Variants in IMPDH1 observed in about 807,000 individuals in gnomAD.
IMPDH1 encodes the protein inosine-5'-monophosphate dehydrogenase 1.
Under a neutral mutation model 73.5 loss-of-function variants are expected in IMPDH1, and 41 were observed. That is an observed-to-expected ratio of 0.56 (90% CI 0.43 to 0.72). The LOEUF is 0.72. Among genes scored for constraint, IMPDH1 ranks in the 30% least tolerant of loss-of-function variants. The probability of loss-of-function intolerance (pLI) is 0.00; values close to 1 mark genes in which losing one functional copy is unlikely to be tolerated. For synonymous variants in IMPDH1, 318 were observed against 334.3 expected (o/e 0.95, Z 0.53); for missense variants, 645 against 824.8 (o/e 0.78, Z 2.67).
At chr7:128,400,047 G>C in intron 9 of IMPDH1, 48 bp downstream of exon 9, 7 of 1,382,530 alleles carry the variant, frequency 5.1e-6, no homozygotes, top group Non-Finnish European at 7.2e-6. Flanking sequence ...CGGGACTGTG[G>C]ACAGGGAGTC....
chr7:128,397,158 T>A lies in IMPDH1; in HGVS notation c.1075-136A>T, dbSNP rs866973374. The A allele has an allele frequency of 1.0e-5, 7 of 671,394 alleles. No homozygotes were observed. The Middle Eastern group carries it at 1.7e-3, about 165-fold the overall frequency. The allele number at this position is 671,394 out of a possible 1,614,324, so 41.6% of individuals were successfully genotyped here. On this transcript the variant is annotated intron_variant, in intron 10 of 16. Coordinates refer to ENST00000338791, the MANE Select transcript of IMPDH1 (RefSeq NM_000883.4). The stretch of plus-strand genomic sequence containing the variant: ...TGCTCTTTCCTTCTGGTTGTTTTTT[T>A]TTTTTTTTTTCTGGAAATTCACTTG...
chr7:128,393,639 A>AAC, intron 16 of IMPDH1: 1 of 155,328 alleles, frequency 6.4e-6, no homozygotes. Flanking sequence ...CCCACCCAAT[A>AAC]CCCACCCCCA....
intron 4 of IMPDH1, 80 bp downstream of exon 4, chr7:128,405,681 CCGGGGG>C (rs1259489175): frequency 6.8e-7 from 1 of 1,471,540 alleles, no homozygotes; most frequent in Non-Finnish European, 9.0e-7. Context: ...GCAGGGAACG[CCGGGGG>C]AGCCGCGCAC....
In IMPDH1 at chr7:128,405,882, C is replaced by T. The variant is rs1159075320; in HGVS notation, c.255-17G>A. ...TCCGCCATGCTGCCGCGAGACCCCG[C>T]GACCCGACATAAACACCCGCGCGGC... On this transcript the variant is annotated splice_polypyrimidine_tract_variant and intron_variant, in intron 3 of 16. Transcript: ENST00000338791. 1.3e-6 allele frequency: 2 copies of T among 1,515,496 alleles called. No homozygotes were observed. The highest frequency in any genetic ancestry group is 2.9e-5 in the African/African-American group (2 of 69,368). The allele number at this position is 1,515,496 out of a possible 1,614,324, so 93.9% of individuals were successfully genotyped here. A position where few individuals can be genotyped will look rare whatever the true frequency, so the allele number is the denominator to read the frequency against.
rs1678568319 is a variant in IMPDH1 at position 128,396,374 on chromosome 7, G to A, written c.1261+226C>T. ...AGCCCCAGGCCCCAAGCCCCAGGCA[G>A]AGCCCCCTTGACCGCACTCTGAGAA... On this transcript the variant is annotated intron_variant, in intron 12 of 16. Transcript: ENST00000338791. This position sits in a 1 kb window ranked among gnomAD's most constrained non-coding sequence, Gnocchi z 4.0. 6.6e-6 allele frequency among the ~76,000 whole-genome samples: 1 copy of A among 152,202 alleles called. No individual in the cohort carries two copies. The highest frequency in any genetic ancestry group is 1.5e-5 in the Non-Finnish European group (1 of 68,040).
intron 3 of IMPDH1, among the ~76,000 whole-genome samples, chr7:128,407,885 T>A (rs1324405555): frequency 6.6e-6 from 1 of 152,028 alleles, no homozygotes; most frequent in Non-Finnish European, 1.5e-5. Context: ...TTCCCAGTGA[T>A]TACAGACTTC....
Position 128,392,416 on chromosome 7 carries a change from TGA to T in IMPDH1, c.*589_*590del, listed in dbSNP as rs1468976677. The T allele has an allele frequency of 1.3e-5, 2 of 154,734 alleles. No homozygotes were observed. The highest frequency in any genetic ancestry group is 2.9e-5 in the Non-Finnish European group (2 of 69,474). 9.6% of individuals were successfully genotyped at this position (154,734 alleles called of 1,614,324 possible). ...GGAATGGTTCACCTGGGGACGGTGG[TGA>T]GTCAGGAATGACAGGCAGGCGGCCA... is the stretch of plus-strand genomic sequence containing the variant. On this transcript the variant is annotated 3_prime_UTR_variant, in exon 17 of 17. Coordinates refer to ENST00000338791, the MANE Select transcript of IMPDH1 (RefSeq NM_000883.4).
In IMPDH1 at chr7:128,400,571, G is replaced by C. The variant is rs372615422; in HGVS notation, c.580-32C>G. ...GCAGAGATGGGGGAGGAAAAGGCTG[G>C]AAGAAAGCCAGGGATGATGTCCAGG... On this transcript the variant is annotated intron_variant, in intron 7 of 16. Coordinates refer to ENST00000338791, the MANE Select transcript of IMPDH1 (RefSeq NM_000883.4). The C allele has an allele frequency of 3.1e-5, 49 of 1,592,988 alleles. 2 individuals carry two copies. The African/African-American group carries it at 3.1e-4, about 10-fold the overall frequency.
chr7:128,403,845 C>T (rs1798514492), intron 4 of IMPDH1, 91 bp from the exon 5 acceptor site: 2 of 1,146,356 alleles, frequency 1.7e-6, no homozygotes, highest in Non-Finnish European at 2.6e-6. Flanking sequence ...CAGGGGGGTA[C>T]AGAAAAGCCT....
chr7:128,402,153 A>T (rs1179277575), intron 5 of IMPDH1, among the ~76,000 whole-genome samples: 3 of 151,628 alleles, frequency 2.0e-5, no homozygotes, highest in Non-Finnish European at 4.4e-5. Context: ...CCCAGGCTAG[A>T]GTACAGTAGT....
Position 128,398,181 on chromosome 7 carries a change from C to G in IMPDH1, c.1074+233G>C, listed in dbSNP as rs1798061493. Among the ~76,000 whole-genome samples the G allele has an allele frequency of 6.6e-6, 1 of 152,144 alleles. No individual in the cohort carries two copies. The highest frequency in any genetic ancestry group is 6.5e-5 in the Admixed American group (1 of 15,272). On this transcript the variant is annotated intron_variant, in intron 10 of 16. Coordinates refer to ENST00000338791, the MANE Select transcript of IMPDH1 (RefSeq NM_000883.4). The surrounding 1 kb of genome is among the most constrained non-coding windows in gnomAD (Gnocchi z 4.3). ...TTTGAGAAAGGGTCTCGTTCTGTCC[C>G]CAGGGCTGGAGTGCAGTGGCACGAT...
Position 128,396,126 on chromosome 7 carries a change from C to T in IMPDH1, c.1261+474G>A, listed in dbSNP as rs775202565. On this transcript the variant is annotated intron_variant, in intron 12 of 16. Transcript: ENST00000338791. The surrounding 1 kb of genome is among the most constrained non-coding windows in gnomAD (Gnocchi z 4.0). Reference sequence around the variant, plus strand: ...ACCTCCTCAATAACCACATGGGGGACACATGCCAGGCTCCCCCCTTCCCAC... The same window carrying T: ...ACCTCCTCAATAACCACATGGGGGATACATGCCAGGCTCCCCCCTTCCCAC... Among the ~76,000 whole-genome samples, 1 of 152,216 alleles carries T rather than the reference C, an allele frequency of 6.6e-6. No individual in the cohort carries two copies. Among genetic ancestry groups the T allele is most frequent in the African/African-American group, 2.4e-5 (1 of 41,440 alleles).
In IMPDH1 at chr7:128,392,805, G is replaced by T; in HGVS notation, c.*202C>A. On this transcript the variant is annotated 3_prime_UTR_variant, in exon 17 of 17. Coordinates refer to ENST00000338791, the MANE Select transcript of IMPDH1 (RefSeq NM_000883.4). ...GGAGGGGGGCTCCCAGGGCAGCCTG[G>T]CCCCGGGAGCAGTCCTGACTCTGCA... 1.7e-6 allele frequency: 1 copy of T among 578,410 alleles called. No individual in the cohort carries two copies. Among genetic ancestry groups the T allele is most frequent in the Non-Finnish European group, 3.1e-6 (1 of 324,534 alleles). The allele number at this position is 578,410 out of a possible 1,614,324, so 35.8% of individuals were successfully genotyped here.
At chr7:128,409,145 C>T (rs1798967504) in intron 3 of IMPDH1, 144 bp downstream of exon 3, 2 of 765,004 alleles carry the variant, frequency 2.6e-6, no homozygotes, top group Non-Finnish European at 4.6e-6. Flanking sequence ...GGGCCCAGCT[C>T]ACTACCCTAC....
rs773472205 is a variant in IMPDH1, at chr7:128,395,218, G to A, written c.1318C>T (p.Arg440Trp). 8 of 1,613,768 alleles carry A rather than the reference G, an allele frequency of 5.0e-6. No individual in the cohort carries two copies. The East Asian group carries it at 6.7e-5, about 13-fold the overall frequency. The change falls in exon 13 of 17, where the codon CGG becomes TGG. Residue 440 changes from arginine to tryptophan, a missense_variant. Arg to Trp is a moderately radical substitution (Grantham distance 101, BLOSUM62 -3). Coordinates refer to ENST00000338791, the MANE Select transcript of IMPDH1 (RefSeq NM_000883.4). ...GCTATGATGGGCACACCAAAGCGCC[G>A]GGCATACTCAGCCACCTTGTACACA... is the stretch of plus-strand genomic sequence containing the variant. Reference protein sequence around the residue: ...TAVYKVAEYARRFGVPIIADG... With the variant: ...TAVYKVAEYAWRFGVPIIADG...
In IMPDH1 at chr7:128,394,568, C is replaced by T; in HGVS notation, c.1582G>A (p.Val528Ile). The part of the protein sequence containing the change: ...EGDKVKIAQG[V>I]SGSIQDKGSI... ...CCTTTGTCCTGGATGGAGCCCGAGA[C>T]ACCCTGCGCGATCTTCACTTTATCC... is the stretch of plus-strand genomic sequence containing the variant. Residue 528 changes from valine to isoleucine, a missense_variant, in exon 15 of 17, where the codon GTC (valine) becomes ATC (isoleucine). This residue lies in a region of IMPDH1 where 459 missense variants were observed against 638.2 expected (regional missense o/e 0.72). Coordinates refer to ENST00000338791, the MANE Select transcript of IMPDH1 (RefSeq NM_000883.4). The surrounding 1 kb of genome is among the most constrained non-coding windows in gnomAD (Gnocchi z 5.5). 6.2e-7 allele frequency: 1 copy of T among 1,613,944 alleles called. No individual in the cohort carries two copies. Among genetic ancestry groups the T allele is most frequent in the Non-Finnish European group, 8.5e-7 (1 of 1,180,002 alleles).
At chr7:128,393,125 C>T in intron 16 of IMPDH1, 97 bp from the exon 17 acceptor site, 1 of 1,363,320 alleles carries the variant, frequency 7.3e-7, no homozygotes, top group Non-Finnish European at 1.0e-6. Flanking sequence ...TAGGAGAGAA[C>T]AGAGAGCTGA....
intron 5 of IMPDH1, 65 bp downstream of exon 5, chr7:128,403,641 C>T (rs1448462176): frequency 2.0e-5 from 28 of 1,435,642 alleles, no homozygotes; most frequent in Non-Finnish European, 2.6e-5. Context: ...TGCCCCTGAG[C>T]AAGAAGTCAG....
At chr7:128,399,662 G>A (rs1017310735) in intron 9 of IMPDH1, among the ~76,000 whole-genome samples, 1 of 152,108 alleles carries the variant, frequency 6.6e-6, no homozygotes, top group Non-Finnish European at 1.5e-5. Context: ...ACTCCAGCCT[G>A]GGTGAGAAAG....
Sources: gnomAD v4.1 joint callset for allele counts (sites outside exome capture counted in the v4.1 genomes callset) on GRCh38, gnomAD v4.1.1 for gene constraint, gnomAD v4.1.1 regional missense constraint, Gnocchi (gnomAD v3.1) non-coding constraint, MANE v1.5 for transcripts, NCBI Gene and HGNC (gene_info 2026-07-23, HGNC 2026-07-21) for gene names.